C5: variants seen among roughly 807,000 people sequenced by gnomAD.
C5 encodes the protein complement C5, also known as C3 and PZP-like alpha-2-macroglobulin domain-containing protein 4.
Under a neutral mutation model 218.8 loss-of-function variants are expected in C5, and 140 were observed. That is an observed-to-expected ratio of 0.64 (90% CI 0.56 to 0.74). The LOEUF (loss-of-function observed/expected upper bound fraction) is 0.74, where lower values mean the gene tolerates loss of function less well. Ranked by LOEUF, C5 falls within the 30% of genes least tolerant of loss-of-function variation. The pLI is 0.00. For missense variants in C5, 1,700 were observed against 1,969.6 expected (o/e 0.86, Z 2.59); for synonymous variants, 614 against 682.3 (o/e 0.90, Z 1.56).
chr9:120,980,546 C>A (rs1237338683), intron 27 of C5, among the ~76,000 whole-genome samples: 1 of 152,186 alleles, frequency 6.6e-6, no homozygotes, highest in Admixed American at 6.5e-5. Flanking sequence ...CACCGTCAGA[C>A]CTAGCCTCCA....
chr9:121,046,799 C>T (rs978907840), intron 1 of C5, among the ~76,000 whole-genome samples: 1 of 151,814 alleles, frequency 6.6e-6, no homozygotes, highest in Non-Finnish European at 1.5e-5. Context: ...CTTTCTGAGG[C>T]TAAAATAACT....
intron 25 of C5, among the ~76,000 whole-genome samples, chr9:120,984,054 C>A (rs940349798): frequency 1.3e-5 from 2 of 152,114 alleles, no homozygotes; most frequent in Non-Finnish European, 2.9e-5. Flanking sequence ...TATATTAATA[C>A]ATAAAGTTTC....
chr9:121,008,401 A>G lies in C5; in HGVS notation c.2348+7T>C. On this transcript the variant is annotated splice_region_variant and intron_variant, in intron 18 of 40. Transcript: ENST00000223642. Reference sequence around the variant, plus strand: ...TCTTTCAAGGAAACATGAAAGAAGTATAATACCTTCTGGGAACAAGATGAA... The same window carrying G: ...TCTTTCAAGGAAACATGAAAGAAGTGTAATACCTTCTGGGAACAAGATGAA... The G allele has an allele frequency of 1.3e-6, 2 of 1,598,484 alleles. No homozygotes were observed. Among genetic ancestry groups the G allele is most frequent in the Non-Finnish European group, 1.7e-6 (2 of 1,165,816 alleles).
At chr9:121,020,205 A>G (rs371139431) in intron 11 of C5, 26 bp from the exon 12 acceptor site, 1 of 1,466,752 alleles carries the variant, frequency 6.8e-7, no homozygotes, top group South Asian at 1.1e-5. Flanking sequence ...TCAAAAAGAC[A>G]TGTATACTGT....
upstream of C5, among the ~76,000 whole-genome samples, chr9:121,051,451 T>A (rs1334176265): frequency 6.6e-6 from 1 of 152,110 alleles, no homozygotes. Flanking sequence ...ATTTTTATGA[T>A]GTTTTATGTT....
intron 15 of C5, among the ~76,000 whole-genome samples, chr9:121,016,004 T>C (rs1173828015): frequency 2.6e-5 from 4 of 152,168 alleles, no homozygotes; most frequent in Admixed American, 1.3e-4. Flanking sequence ...AGCTTAAACA[T>C]AACGTAAGGC....
intron 28 of C5, among the ~76,000 whole-genome samples, chr9:120,977,301 G>A (rs1403072297): frequency 1.3e-5 from 2 of 152,086 alleles, no homozygotes; most frequent in Non-Finnish European, 2.9e-5. Context: ...AAGTATATAT[G>A]AAACATAAAT....
intron 19 of C5, among the ~76,000 whole-genome samples, chr9:121,006,446 G>T (rs1314413141): frequency 6.6e-6 from 1 of 152,128 alleles, no homozygotes; most frequent in Non-Finnish European, 1.5e-5. Flanking sequence ...GAAGCTATTT[G>T]GAAAGCATCT....
At chr9:121,051,257 G>C (rs1213933314), upstream of C5, among the ~76,000 whole-genome samples, 4 of 151,686 alleles carry the variant, frequency 2.6e-5, no homozygotes, top group Non-Finnish European at 5.9e-5. Context: ...CAAGTAGCTG[G>C]GACTACAGGC....
At chr9:121,017,950 T>G (rs2047322864) in intron 12 of C5, 98 bp from the exon 13 acceptor site, 2 of 798,428 alleles carry the variant, frequency 2.5e-6, no homozygotes, top group Non-Finnish European at 4.2e-6. Context: ...GCAGAAATTA[T>G]GTTAAAGAAA....
At chr9:121,029,785 C>T (rs1479434212) in intron 7 of C5, among the ~76,000 whole-genome samples, 1 of 152,228 alleles carries the variant, frequency 6.6e-6, no homozygotes, top group Non-Finnish European at 1.5e-5. Flanking sequence ...GACTTTCATG[C>T]TTCCATTGCC....
At chr9:121,029,133 A>G (rs556098349) in intron 7 of C5, among the ~76,000 whole-genome samples, 1 of 152,370 alleles carries the variant, frequency 6.6e-6, no homozygotes, top group African/African-American at 2.4e-5. Context: ...GTAAGAATAA[A>G]GTAAACTTTC....
At chr9:121,022,205 A>G (rs2047371943) in intron 10 of C5, among the ~76,000 whole-genome samples, 1 of 152,104 alleles carries the variant, frequency 6.6e-6, no homozygotes, top group African/African-American at 2.4e-5. Context: ...GATAAAGGAG[A>G]AAATGAGGCA....
Position 121,017,364 on chromosome 9 carries a change from T to C in C5, c.1864A>G (p.Arg622Gly). The C allele has an allele frequency of 6.2e-7, 1 of 1,613,726 alleles. No homozygotes were observed. Among genetic ancestry groups the C allele is most frequent in the Non-Finnish European group, 8.5e-7 (1 of 1,179,866 alleles). Reference sequence around the variant, plus strand: ...CAGCGAGACATGCATTACTTAACTCTTTCCAAGGGCTTTTTGGCTCCTCTT... The same window carrying C: ...CAGCGAGACATGCATTACTTAACTCCTTCCAAGGGCTTTTTGGCTCCTCTT... ...VQRGAKKPLE[R>G]VFQFLEKSDL... Residue 622 changes from arginine to glycine, a missense_variant and splice_region_variant, in exon 14 of 41, where the codon AGA becomes GGA. Coordinates refer to ENST00000223642, the MANE Select transcript of C5 (RefSeq NM_001735.3).
Position 121,013,865 on chromosome 9 carries a change from A to G in C5, c.2257+8T>C. On this transcript the variant is annotated splice_region_variant and intron_variant, in intron 17 of 40. Coordinates refer to ENST00000223642, the MANE Select transcript of C5 (RefSeq NM_001735.3). ...GAGCAGAATTCTGATAGAAAATGTCATACTTACGTAGCCTTCCCAATTGCA... is the reference window on the plus strand; with the variant it reads ...GAGCAGAATTCTGATAGAAAATGTCGTACTTACGTAGCCTTCCCAATTGCA... 1 of 1,612,414 alleles carries G rather than the reference A, an allele frequency of 6.2e-7. No individual in the cohort carries two copies. The highest frequency in any genetic ancestry group is 8.5e-7 in the Non-Finnish European group (1 of 1,178,548).
intron 11 of C5, among the ~76,000 whole-genome samples, chr9:121,020,539 G>C (rs1450700956): frequency 6.6e-6 from 1 of 152,224 alleles, no homozygotes; most frequent in African/African-American, 2.4e-5. Context: ...AATGGGGGTA[G>C]GAGAAGGGAA....
intron 31 of C5, among the ~76,000 whole-genome samples, chr9:120,970,569 T>C (rs1382189110): frequency 1.3e-5 from 2 of 152,202 alleles, no homozygotes; most frequent in Non-Finnish European, 2.9e-5. Flanking sequence ...CTTTCCACTT[T>C]AATTTTACAC....
upstream of C5, among the ~76,000 whole-genome samples, chr9:121,052,435 G>C (rs2047677006): frequency 7.3e-6 from 1 of 136,286 alleles, no homozygotes; most frequent in East Asian, 2.1e-4. Context: ...CTGAGCAACA[G>C]AGCCAGACTC....
intron 20 of C5, among the ~76,000 whole-genome samples, chr9:121,002,256 ATATATGTATATATATG>A (rs2047173214): frequency 1.0e-5 from 1 of 98,772 alleles, no homozygotes; most frequent in East Asian, 3.7e-4. Context: ...ATATATATGT[ATATATGTATATATATG>A]TATATATACG....
Sources: gnomAD v4.1 joint callset for allele counts (sites outside exome capture counted in the v4.1 genomes callset) on GRCh38, gnomAD v4.1.1 for gene constraint, MANE v1.5 for transcripts, NCBI Gene and HGNC (gene_info 2026-07-23, HGNC 2026-07-21) for gene names.